The following ERCC6L2 variants were observed in gnomAD, a reference collection of about 807,000 sequenced individuals.
ERCC6L2 encodes ERCC excision repair 6 like 2.
ERCC6L2 carries 77 observed loss-of-function variants against 132.0 expected under a neutral mutation model. The observed-to-expected ratio is 0.58, with a 90% CI of 0.49 to 0.71. The LOEUF is 0.71. Among genes scored for constraint, ERCC6L2 ranks in the 30% least tolerant of loss-of-function variants. ERCC6L2 has a pLI of 0.00. For synonymous variants in ERCC6L2, 583 were observed against 632.4 expected, an observed-to-expected ratio of 0.92 and a Z score of 1.17; for missense variants, 1,542 against 1,837.6, an observed-to-expected ratio of 0.84 and a Z score of 2.94.
intron 11 of ERCC6L2, among the ~76,000 whole-genome samples, chr9:95,931,994 C>G (rs1179356168): frequency 1.3e-5 from 2 of 151,370 alleles, no homozygotes; most frequent in Non-Finnish European, 2.9e-5. Flanking sequence ...AATCTCTGAA[C>G]TTTTCTCTCA....
intron 11 of ERCC6L2, among the ~76,000 whole-genome samples, chr9:95,940,732 T>C (rs1830760600): frequency 6.6e-6 from 1 of 152,068 alleles, no homozygotes; most frequent in Non-Finnish European, 1.5e-5. Context: ...AAAAAGTGTG[T>C]GTGTTGTGCT....
chr9:95,885,917 T>C (rs954959127), intron 2 of ERCC6L2, among the ~76,000 whole-genome samples: 8 of 152,194 alleles, frequency 5.3e-5, no homozygotes, highest in African/African-American at 1.9e-4. Context: ...GCTCAGACGG[T>C]GTGTTTTTCA....
chr9:95,929,741 T>C (rs2132800103), intron 11 of ERCC6L2, among the ~76,000 whole-genome samples: 1 of 152,320 alleles, frequency 6.6e-6, no homozygotes, highest in South Asian at 2.1e-4. Context: ...ATTTTTTTCA[T>C]GCGTCCTTAC....
intron 6 of ERCC6L2, among the ~76,000 whole-genome samples, chr9:95,920,486 A>AGTTG (rs1238875022): frequency 1.3e-5 from 2 of 152,200 alleles, no homozygotes; most frequent in African/African-American, 4.8e-5. Context: ...TCCAGTCAAC[A>AGTTG]GTAGGCTATT....
rs146769771 is a variant in ERCC6L2, at chr9:95,967,727, C to G, written c.2100+1013C>G. ...TAGTAACTATATTTGATTCTGAATT[C>G]AGTGGCCCATTTGGAGTCCTACTTT... On this transcript the variant is annotated intron_variant, in intron 14 of 18. Coordinates refer to ENST00000653738, the MANE Select transcript of ERCC6L2 (RefSeq NM_020207.7). The G allele has an allele frequency of 6.6e-5, 10 of 152,228 alleles. No individual in the cohort carries two copies. In the East Asian group the frequency reaches 1.7e-3, roughly 26 times the overall value. The allele number at this position is 152,228 out of a possible 1,614,324, so 9.4% of individuals were successfully genotyped here.
Position 96,004,636 on chromosome 9 carries a change from G to GA in ERCC6L2, c.3615dup (p.Val1206SerfsTer24). On this transcript the variant is annotated frameshift_variant, in exon 18 of 19. Coordinates refer to ENST00000653738, the MANE Select transcript of ERCC6L2 (RefSeq NM_020207.7). LOFTEE classifies it high-confidence loss of function. ...TTTCAAATCCTGTAAACCAGAAGAAGAAAAAAGTCTACCATACAAACCAGA... is the reference window on the plus strand; with the variant it reads ...TTTCAAATCCTGTAAACCAGAAGAAGAAAAAAAGTCTACCATACAAACCAGA... 1 of 1,332,316 alleles carries GA rather than the reference G, an allele frequency of 7.5e-7. No homozygotes were observed. The highest frequency in any genetic ancestry group is 1.0e-6 in the Non-Finnish European group (1 of 1,002,988). The allele number at this position is 1,332,316 out of a possible 1,614,324, so 82.5% of individuals were successfully genotyped here.
intron 18 of ERCC6L2, among the ~76,000 whole-genome samples, chr9:96,010,257 A>G (rs368786292): frequency 6.6e-6 from 1 of 152,200 alleles, no homozygotes. Context: ...AGTTAACAAG[A>G]CAGTGTAGTG....
In ERCC6L2 at chr9:96,015,575, C is replaced by T. The variant is rs1357651486; in HGVS notation, c.*2372C>T. Among the ~76,000 whole-genome samples the T allele has an allele frequency of 6.6e-6, 1 of 151,036 alleles. No individual in the cohort carries two copies. The highest frequency in any genetic ancestry group is 6.6e-5 in the Admixed American group (1 of 15,212). On this transcript the variant is annotated 3_prime_UTR_variant, in exon 19 of 19. Transcript: ENST00000653738. ...CTTTGGGAGGCCGAGGCAGGCGGAT[C>T]ACAAGGTCATGAGATCGAGACTATC...
chr9:95,934,423 G>C (rs78267728), intron 11 of ERCC6L2, among the ~76,000 whole-genome samples: 1 of 149,794 alleles, frequency 6.7e-6, no homozygotes, highest in Non-Finnish European at 1.5e-5. Flanking sequence ...GTAGTATGCT[G>C]ATAGAAAAAA....
rs979440648 is a variant in ERCC6L2 at position 95,972,281 on chromosome 9, G to C, written c.2530G>C (p.Gly844Arg). The change falls in exon 16 of 19, where the codon GGT becomes CGT. Residue 844 changes from glycine to arginine, a missense_variant. By Grantham distance (125) the Gly-to-Arg change is moderately radical. Transcript: ENST00000653738. ...AGCEKNQDSL[G>R]TSKHQKLDNI... Reference sequence around the variant, plus strand: ...TTGTGAGAAAAATCAGGACTCTCTTGGTACTTCAAAACATCAGAAATTAGA... The same window carrying C: ...TTGTGAGAAAAATCAGGACTCTCTTCGTACTTCAAAACATCAGAAATTAGA... The C allele has an allele frequency of 1.3e-5, 17 of 1,300,938 alleles. No individual in the cohort carries two copies. In the African/African-American group the frequency reaches 2.3e-4, roughly 18 times the overall value. 80.6% of individuals were successfully genotyped at this position (1,300,938 alleles called of 1,614,324 possible).
In ERCC6L2 at chr9:95,972,415, A is replaced by G. The variant is rs1264799635; in HGVS notation, c.2664A>G (p.Lys888=). 1 of 1,278,236 alleles carries G rather than the reference A, an allele frequency of 7.8e-7. No individual in the cohort carries two copies. Among genetic ancestry groups the G allele is most frequent in the African/African-American group, 1.5e-5 (1 of 64,936 alleles). The allele number at this position is 1,278,236 out of a possible 1,614,324, so 79.2% of individuals were successfully genotyped here. A position where few individuals can be genotyped will look rare whatever the true frequency, so the allele number is the denominator to read the frequency against. ...AGAAAAAAATTAAAAATACAGATAA[A>G]CATTGCATTTTACAGAATGTCACAG... ...SDEKKIKNTD[K]HCILQNVTES... The change falls in exon 16 of 19, where the codon AAA becomes AAG. Residue 888 remains lysine (K), a synonymous_variant. Coordinates refer to ENST00000653738, the MANE Select transcript of ERCC6L2 (RefSeq NM_020207.7).
chr9:95,989,016 G>C (rs1248929705), intron 17 of ERCC6L2, among the ~76,000 whole-genome samples: 1 of 152,148 alleles, frequency 6.6e-6, no homozygotes, highest in African/African-American at 2.4e-5. Context: ...ATTTTATTAG[G>C]ATAGAGATGA....
In ERCC6L2 at chr9:95,923,265, A is replaced by G. The variant is rs1479197354; in HGVS notation, c.1419A>G (p.Thr473=). ...QAASTSKQQE[T]LIKRICDQVF... ...TTCTGCCTTTTCCCTTCAAGGAAAC[A>G]CTTATCAAAAGGATATGTGATCAGG... The change falls in exon 9 of 19, where the codon ACA becomes ACG. Residue 473 remains threonine, a synonymous_variant. Coordinates refer to ENST00000653738, the MANE Select transcript of ERCC6L2 (RefSeq NM_020207.7). 1 of 1,613,242 alleles carries G rather than the reference A, an allele frequency of 6.2e-7. No individual in the cohort carries two copies. The highest frequency in any genetic ancestry group is 2.2e-5 in the East Asian group (1 of 44,852).
In ERCC6L2 at chr9:96,004,549, A is replaced by G; in HGVS notation, c.3522A>G (p.Thr1174=). The G allele has an allele frequency of 7.6e-7, 1 of 1,307,676 alleles. No homozygotes were observed. The highest frequency in any genetic ancestry group is 1.5e-5 in the African/African-American group (1 of 66,074). 81.0% of individuals were successfully genotyped at this position (1,307,676 alleles called of 1,614,324 possible). Residue 1174 remains threonine, a synonymous_variant, in exon 18 of 19, where the codon ACA becomes ACG. Coordinates refer to ENST00000653738, the MANE Select transcript of ERCC6L2 (RefSeq NM_020207.7). Reference sequence around the variant, plus strand: ...ATAAAGAAAAAGTGGATGCAGATACATTGCCACACACAAAGAAAGGCCAGC... The same window carrying G: ...ATAAAGAAAAAGTGGATGCAGATACGTTGCCACACACAAAGAAAGGCCAGC... The part of the protein sequence containing the change: ...KTYKEKVDAD[T]LPHTKKGQQP...
intron 2 of ERCC6L2, among the ~76,000 whole-genome samples, chr9:95,892,764 A>G (rs1564198811): frequency 6.6e-6 from 1 of 152,068 alleles, no homozygotes. Context: ...TTACCTTCAT[A>G]TATTTTGAAG....
At chr9:95,883,486 G>A (rs753683940) in intron 2 of ERCC6L2, among the ~76,000 whole-genome samples, 5 of 152,142 alleles carry the variant, frequency 3.3e-5, no homozygotes, top group Non-Finnish European at 5.9e-5. Flanking sequence ...AACTGTTTTC[G>A]CATATACTTC....
chr9:95,900,885 T>C (rs1235298088), intron 3 of ERCC6L2, among the ~76,000 whole-genome samples: 1 of 152,196 alleles, frequency 6.6e-6, no homozygotes, highest in East Asian at 1.9e-4. Flanking sequence ...CTCTTTGTGT[T>C]CATACCAACT....
Position 95,881,151 on chromosome 9 carries a change from A to AC in ERCC6L2, c.330dup (p.Asn111GlnfsTer11). 1 of 1,613,814 alleles carries AC rather than the reference A, an allele frequency of 6.2e-7. No individual in the cohort carries two copies. Among genetic ancestry groups the AC allele is most frequent in the Non-Finnish European group, 8.5e-7 (1 of 1,179,894 alleles). On this transcript the variant is annotated frameshift_variant, in exon 2 of 19. Coordinates refer to ENST00000653738, the MANE Select transcript of ERCC6L2 (RefSeq NM_020207.7). LOFTEE classifies it high-confidence loss of function. ...TCTTCTGTTGCTTTTAAATTATCTG[A>AC]CAATGGAGACTCTATTCCTTATACC...
intron 2 of ERCC6L2, 30 bp from the exon 3 acceptor site, chr9:95,897,819 A>G (rs765548338): frequency 4.3e-6 from 7 of 1,610,898 alleles, no homozygotes; most frequent in South Asian, 1.1e-5. Flanking sequence ...TACATTATAC[A>G]CAGTGATTGA....
Sources: gnomAD v4.1 joint callset for allele counts (sites outside exome capture counted in the v4.1 genomes callset) on GRCh38, gnomAD v4.1.1 for gene constraint, MANE v1.5 for transcripts, NCBI Gene and HGNC (gene_info 2026-07-23, HGNC 2026-07-21) for gene names.